The following EIF5B variants were observed in gnomAD, a reference collection of about 807,000 sequenced individuals.
The protein encoded by EIF5B is eukaryotic translation initiation factor 5B, also known as eIF-5B.
EIF5B carries 47 observed loss-of-function variants against 147.5 expected under a neutral mutation model. The ratio of observed to expected loss-of-function variants is 0.32; its 90% CI spans 0.25 to 0.41. The LOEUF is 0.41. Ranked by LOEUF, EIF5B falls within the 10% of genes least tolerant of loss-of-function variation. The probability of loss-of-function intolerance (pLI) is 1.00; values close to 1 mark genes in which losing one functional copy is unlikely to be tolerated. For synonymous variants in EIF5B, 455 were observed against 456.2 expected, an observed-to-expected ratio of 1.00 and a Z score of 0.03; for missense variants, 1,064 against 1,413.2, an observed-to-expected ratio of 0.75 and a Z score of 3.96.
intron 4 of EIF5B, among the ~76,000 whole-genome samples, chr2:99,362,497 T>C (rs944020299): frequency 5.3e-5 from 8 of 151,928 alleles, no homozygotes; most frequent in African/African-American, 1.7e-4. Context: ...TCAGGAGATA[T>C]AGACCATCCT....
intron 1 of EIF5B, among the ~76,000 whole-genome samples, chr2:99,351,378 T>G (rs923556300): frequency 6.6e-6 from 1 of 152,264 alleles, no homozygotes; most frequent in East Asian, 1.9e-4. Flanking sequence ...TTGGGTTGTT[T>G]CCAGCTTTTC....
At chr2:99,389,884 C>T (rs1674887290) in intron 15 of EIF5B, 35 bp downstream of exon 15, 3 of 1,582,876 alleles carry the variant, frequency 1.9e-6, no homozygotes, top group Non-Finnish European at 2.6e-6. Context: ...AAGAGCCTAT[C>T]TCAGAATATG....
intron 4 of EIF5B, among the ~76,000 whole-genome samples, chr2:99,363,320 C>A (rs1574926683): frequency 6.6e-6 from 1 of 152,268 alleles, no homozygotes; most frequent in African/African-American, 2.4e-5. Flanking sequence ...TGGACACCAG[C>A]CACTCAGGTA....
Position 99,337,600 on chromosome 2 carries a change from G to T in EIF5B, c.35+11G>T, listed in dbSNP as rs1216205472. ...CAAGAGCGAAGACAGGTAGATAGGG[G>T]TTGGGTCCGTACGGCGGCGGCCGCC... On this transcript the variant is annotated intron_variant, in intron 1 of 23. Transcript: ENST00000289371. The T allele has an allele frequency of 1.9e-6, 3 of 1,610,902 alleles. No individual in the cohort carries two copies. The highest frequency in any genetic ancestry group is 3.4e-5 in the Admixed American group (2 of 59,548).
At position 99,369,400 on chromosome 2, in the gene EIF5B, T is replaced by A; in HGVS notation, c.1396T>A (p.Ser466Thr). Residue 466 changes from serine to threonine, a missense_variant, in exon 8 of 24, where the codon TCA becomes ACA. By Grantham distance (58) the Ser-to-Thr change is moderately conservative. Coordinates refer to ENST00000289371, the MANE Select transcript of EIF5B (RefSeq NM_015904.4). ...TTCTGCCCCTTTTTCAGTGTCTGAA[T>A]CAATGGAATTATGTGCTGCTGTAGA... The part of the protein sequence containing the change: ...QQLESKEVSE[S>T]MELCAAVEVM... The A allele has an allele frequency of 6.2e-7, 1 of 1,609,910 alleles. No homozygotes were observed. The highest frequency in any genetic ancestry group is 1.3e-5 in the African/African-American group (1 of 74,924).
intron 1 of EIF5B, among the ~76,000 whole-genome samples, chr2:99,338,565 T>C (rs2094249925): frequency 6.6e-6 from 1 of 152,234 alleles, no homozygotes; most frequent in Non-Finnish European, 1.5e-5. Flanking sequence ...ATTGGAAGCC[T>C]GGATCGTTTT....
intron 14 of EIF5B, among the ~76,000 whole-genome samples, chr2:99,387,654 G>A (rs1384565235): frequency 6.6e-6 from 1 of 152,068 alleles, no homozygotes; most frequent in African/African-American, 2.4e-5. Context: ...TCAATATAAA[G>A]TTTTCAGTCA....
intron 3 of EIF5B, among the ~76,000 whole-genome samples, chr2:99,360,784 TCA>T (rs1460958224): frequency 1.3e-5 from 2 of 152,260 alleles, no homozygotes; most frequent in Non-Finnish European, 2.9e-5. Context: ...CGTTCCATCT[TCA>T]GTTTTCTCTG....
At chr2:99,354,757 C>T (rs1288792715) in intron 1 of EIF5B, among the ~76,000 whole-genome samples, 1 of 149,388 alleles carries the variant, frequency 6.7e-6, no homozygotes, top group African/African-American at 2.5e-5. Context: ...AGAGGCTACC[C>T]TCTGCTTTTG....
In EIF5B at chr2:99,361,311, GTGA is replaced by G. The variant is rs773375615; in HGVS notation, c.424_426del (p.Asp142del). 23 of 1,608,128 alleles carry G rather than the reference GTGA, an allele frequency of 1.4e-5. No individual in the cohort carries two copies. Among genetic ancestry groups the G allele is most frequent in the Middle Eastern group, 1.7e-4 (1 of 6,060 alleles). On this transcript the variant is annotated inframe_deletion, in exon 4 of 24. Transcript: ENST00000289371. ...CCGAAAGTGGAAATGTACTCTGGGA[GTGA>G]TGATGATGATGATTTTAACAAACTT...
At position 99,360,441 on chromosome 2, in the gene EIF5B, C is replaced by G. The variant is rs1228328037; in HGVS notation, c.162-24C>G. On this transcript the variant is annotated intron_variant, in intron 2 of 23. Coordinates refer to ENST00000289371, the MANE Select transcript of EIF5B (RefSeq NM_015904.4). Reference sequence around the variant, plus strand: ...TAATAAAAACTATACCAGTGCTTCACAATGTATTTTAATCCTTTTCTAGTG... The same window carrying G: ...TAATAAAAACTATACCAGTGCTTCAGAATGTATTTTAATCCTTTTCTAGTG... The G allele has an allele frequency of 4.3e-6, 7 of 1,609,312 alleles. No individual in the cohort carries two copies. In the South Asian group the frequency reaches 7.8e-5, roughly 18 times the overall value.
intron 1 of EIF5B, among the ~76,000 whole-genome samples, chr2:99,346,462 C>T (rs2094273565): frequency 6.6e-6 from 1 of 151,934 alleles, no homozygotes; most frequent in South Asian, 2.1e-4. Flanking sequence ...AGGCACTATA[C>T]AAGTTAGGTG....
At chr2:99,342,808 AT>A (rs1241939580) in intron 1 of EIF5B, among the ~76,000 whole-genome samples, 2 of 151,594 alleles carry the variant, frequency 1.3e-5, no homozygotes, top group African/African-American at 2.4e-5. Context: ...ATTTTTAAAA[AT>A]TTTTTGTAGA....
chr2:99,350,393 AT>A (rs1673918427), intron 1 of EIF5B, among the ~76,000 whole-genome samples: 1 of 120,978 alleles, frequency 8.3e-6, no homozygotes, highest in Non-Finnish European at 1.8e-5. Flanking sequence ...ACTAATTTAC[AT>A]TTCCCCCCAC....
At chr2:99,351,769 C>T (rs373723550) in intron 1 of EIF5B, among the ~76,000 whole-genome samples, 2 of 152,110 alleles carry the variant, frequency 1.3e-5, no homozygotes, top group African/African-American at 4.8e-5. Flanking sequence ...GTGATCTTGG[C>T]TCACTGCAAC....
rs1390907396 is a variant in EIF5B, at chr2:99,369,496, C to A, written c.1477+15C>A. The A allele has an allele frequency of 5.7e-6, 9 of 1,587,174 alleles. No individual in the cohort carries two copies. The highest frequency in any genetic ancestry group is 7.7e-6 in the Non-Finnish European group (9 of 1,162,756). On this transcript the variant is annotated intron_variant, in intron 8 of 23. Coordinates refer to ENST00000289371, the MANE Select transcript of EIF5B (RefSeq NM_015904.4). Reference sequence around the variant, plus strand: ...TGTTGAACCAGGCGGGTAGTGTTATCTGATTATTTAATTAGTGAATTCTTA... The same window carrying A: ...TGTTGAACCAGGCGGGTAGTGTTATATGATTATTTAATTAGTGAATTCTTA...
chr2:99,339,567 G>GGGC (rs1327308416), intron 1 of EIF5B, among the ~76,000 whole-genome samples: 2 of 151,478 alleles, frequency 1.3e-5, no homozygotes, highest in African/African-American at 4.9e-5. Flanking sequence ...GGAGATGGAG[G>GGGC]GGCAGTCTCA....
In EIF5B at chr2:99,393,217, CT is replaced by C. The variant is rs1301196208; in HGVS notation, c.2880+121del. 11 of 875,710 alleles carry C rather than the reference CT, an allele frequency of 1.3e-5. No homozygotes were observed. The Admixed American group carries it at 4.0e-4, about 32-fold the overall frequency. The allele number at this position is 875,710 out of a possible 1,614,324, so 54.2% of individuals were successfully genotyped here. A position where few individuals can be genotyped will look rare whatever the true frequency, so the allele number is the denominator to read the frequency against. On this transcript the variant is annotated intron_variant, in intron 18 of 23. Coordinates refer to ENST00000289371, the MANE Select transcript of EIF5B (RefSeq NM_015904.4). Reference sequence around the variant, plus strand: ...TTTGTCTTTGTGAAGCCTGCCATTTCTTGGCCTCTTAGCAAACTTGATGCTT... The same window carrying C: ...TTTGTCTTTGTGAAGCCTGCCATTTCTGGCCTCTTAGCAAACTTGATGCTT...
intron 6 of EIF5B, among the ~76,000 whole-genome samples, chr2:99,367,871 T>A (rs1674363212): frequency 6.6e-6 from 1 of 152,340 alleles, no homozygotes; most frequent in Non-Finnish European, 1.5e-5. Flanking sequence ...TCATTCACAC[T>A]ACAAAATATT....
Sources: gnomAD v4.1 joint callset for allele counts (sites outside exome capture counted in the v4.1 genomes callset) on GRCh38, gnomAD v4.1.1 for gene constraint, MANE v1.5 for transcripts, NCBI Gene and HGNC (gene_info 2026-07-23, HGNC 2026-07-21) for gene names.